The following STK32B variants were observed in gnomAD, a reference collection of about 807,000 sequenced individuals.
The protein encoded by STK32B is serine/threonine kinase 32B, also known as serine/threonine-protein kinase 32B.
STK32B carries 43 observed loss-of-function variants against 52.6 expected under a neutral mutation model. That is an observed-to-expected ratio of 0.82 (90% CI 0.64 to 1.05). The LOEUF (loss-of-function observed/expected upper bound fraction) is 1.05, where lower values mean the gene tolerates loss of function less well. Ranked by LOEUF, STK32B falls within the 50% of genes least tolerant of loss-of-function variation. STK32B has a pLI of 0.00. For synonymous variants in STK32B, 238 were observed against 204.3 expected, an observed-to-expected ratio of 1.17 and a Z score of -1.41; for missense variants, 621 against 534.6, an observed-to-expected ratio of 1.16 and a Z score of -1.59.
At chr4:5,025,184 T>C in the STK32B span, among the ~76,000 whole-genome samples, 2 of 152,164 alleles carry the variant, frequency 1.3e-5, no homozygotes, top group Non-Finnish European at 2.9e-5. Context: ...GCTGTTTCCC[T>C]GCCTCCCCCT....
chr4:5,191,202 G>A (rs943823513), intron 3 of STK32B, among the ~76,000 whole-genome samples: 13 of 151,950 alleles, frequency 8.6e-5, no homozygotes, highest in Admixed American at 4.6e-4. Flanking sequence ...TCACTTGGGG[G>A]CTAATGGGGT....
At chr4:5,214,918 T>C (rs907363406) in intron 3 of STK32B, among the ~76,000 whole-genome samples, 2 of 152,230 alleles carry the variant, frequency 1.3e-5, no homozygotes, top group Admixed American at 6.5e-5. Context: ...TCTGAGATTT[T>C]GTGTCTCCAG....
At position 5,421,656 on chromosome 4, in the gene STK32B, A is replaced by G. The variant is rs1215191362; in HGVS notation, c.562+4722A>G. Among the ~76,000 whole-genome samples, 8 of 152,278 alleles carry G rather than the reference A, an allele frequency of 5.3e-5. No homozygotes were observed. The South Asian group carries it at 1.0e-3, about 20-fold the overall frequency. ...CCTTGCTCCTGCCTCACACTGTCTG[A>G]GGCAGCCCAGTCCAGGTTCTTGGTC... On this transcript the variant is annotated intron_variant, in intron 6 of 11. Transcript: ENST00000282908.
At chr4:5,476,641 C>T (rs113503329) in intron 11 of STK32B, among the ~76,000 whole-genome samples, 200 of 152,116 alleles carry the variant, frequency 1.3e-3, no homozygotes, top group African/African-American at 4.5e-3. Flanking sequence ...TGTTGGAGAC[C>T]TGTCGCCTAG....
At chr4:5,289,131 A>G (rs1560288699) in intron 3 of STK32B, among the ~76,000 whole-genome samples, 1 of 152,226 alleles carries the variant, frequency 6.6e-6, no homozygotes, top group African/African-American at 2.4e-5. Flanking sequence ...CCTAGGCTAT[A>G]TGGTATAACC....
At chr4:5,347,088 A>G (rs1401448427) in intron 4 of STK32B, among the ~76,000 whole-genome samples, 1 of 152,162 alleles carries the variant, frequency 6.6e-6, no homozygotes, top group African/African-American at 2.4e-5. Context: ...GATTATGGGG[A>G]TTACAATGTG....
At chr4:5,123,303 G>T (rs1271848664) in intron 1 of STK32B, among the ~76,000 whole-genome samples, 1 of 152,008 alleles carries the variant, frequency 6.6e-6, no homozygotes, top group South Asian at 2.1e-4. Flanking sequence ...CATGCCTCCC[G>T]GCTGCTATCT....
At chr4:5,028,906 G>A in the STK32B span, among the ~76,000 whole-genome samples, 1,335 of 152,334 alleles carry the variant, frequency 8.8e-3, 8 homozygotes, top group Non-Finnish European at 0.014. Flanking sequence ...CATCTGCTCA[G>A]CCTCAGGAAA....
intron 3 of STK32B, among the ~76,000 whole-genome samples, chr4:5,253,937 C>A (rs910568475): frequency 2.6e-5 from 4 of 152,144 alleles, no homozygotes; most frequent in African/African-American, 9.7e-5. Context: ...AAAATTATAG[C>A]CACCGTGCGT....
chr4:5,314,336 A>G (rs1364036865), intron 3 of STK32B, among the ~76,000 whole-genome samples: 1 of 152,240 alleles, frequency 6.6e-6, no homozygotes, highest in Non-Finnish European at 1.5e-5. Context: ...AACTGTAAGC[A>G]GAAGAATGAA....
intron 3 of STK32B, among the ~76,000 whole-genome samples, chr4:5,242,502 A>G (rs182052956): frequency 0.033 from 5,041 of 152,174 alleles, 276 homozygotes; most frequent in African/African-American, 0.11. Flanking sequence ...AGTAGGTTGC[A>G]AAAATTTTCT....
chr4:5,094,336 G>A (rs1011023612), intron 1 of STK32B, among the ~76,000 whole-genome samples: 1 of 152,220 alleles, frequency 6.6e-6, no homozygotes, highest in Admixed American at 6.5e-5. Context: ...CCAAGAGCCA[G>A]CAGATGAGTT....
At chr4:5,420,350 C>T (rs1349430388) in intron 6 of STK32B, among the ~76,000 whole-genome samples, 3 of 152,138 alleles carry the variant, frequency 2.0e-5, no homozygotes, top group Non-Finnish European at 4.4e-5. Flanking sequence ...TCTGAGATCG[C>T]TTTCTGGAAG....
chr4:5,232,641 G>A (rs1438248375), intron 3 of STK32B, among the ~76,000 whole-genome samples: 2 of 152,194 alleles, frequency 1.3e-5, no homozygotes, highest in Non-Finnish European at 2.9e-5. Flanking sequence ...GTCAGGGGTG[G>A]TGCCAATGGT....
chr4:5,038,268 G>A, the STK32B span, among the ~76,000 whole-genome samples: 1 of 152,154 alleles, frequency 6.6e-6, no homozygotes. Flanking sequence ...GAAGGATGAC[G>A]ATGACAATGA....
intron 4 of STK32B, among the ~76,000 whole-genome samples, chr4:5,392,913 C>T (rs1445792850): frequency 6.6e-6 from 1 of 152,192 alleles, no homozygotes; most frequent in Non-Finnish European, 1.5e-5. Context: ...TTGGGGGCTG[C>T]TGTTTGTACT....
intron 1 of STK32B, among the ~76,000 whole-genome samples, chr4:5,095,192 G>A (rs1290727245): frequency 6.6e-6 from 1 of 152,194 alleles, no homozygotes; most frequent in Non-Finnish European, 1.5e-5. Context: ...TCAGGTTCAG[G>A]TGGGTAAGGG....
At chr4:5,221,157 T>C (rs539132569) in intron 3 of STK32B, among the ~76,000 whole-genome samples, 8 of 152,202 alleles carry the variant, frequency 5.3e-5, no homozygotes, top group Non-Finnish European at 8.8e-5. Flanking sequence ...CTCCCCTAGA[T>C]TGATGGGTTA....
intron 4 of STK32B, among the ~76,000 whole-genome samples, chr4:5,374,472 G>A (rs1343253472): frequency 6.6e-6 from 1 of 152,158 alleles, no homozygotes; most frequent in Non-Finnish European, 1.5e-5. Context: ...GCCCATTCAG[G>A]CTGCTGTGAC....
Sources: gnomAD v4.1 joint callset for allele counts (sites outside exome capture counted in the v4.1 genomes callset) on GRCh38, gnomAD v4.1.1 for gene constraint, MANE v1.5 for transcripts, NCBI Gene and HGNC (gene_info 2026-07-23, HGNC 2026-07-21) for gene names.